The following SKAP2 variants were observed in gnomAD, a reference collection of about 807,000 sequenced individuals.
SKAP2 encodes the protein src kinase associated phosphoprotein 2.
Under a neutral mutation model 54.9 loss-of-function variants are expected in SKAP2, and 28 were observed. That is an observed-to-expected ratio of 0.51 (90% CI 0.38 to 0.70). The LOEUF is 0.70. Among genes scored for constraint, SKAP2 ranks in the 30% least tolerant of loss-of-function variants. SKAP2 has a pLI of 0.00. For missense variants in SKAP2, 356 were observed against 424.1 expected (o/e 0.84, Z 1.41); for synonymous variants, 137 against 134.3 (o/e 1.02, Z -0.14).
At position 26,726,972 on chromosome 7, in the gene SKAP2, G is replaced by C; in HGVS notation, c.504C>G (p.Gly168=). ...KQQKGEFAID[G]YSVRMNNTLR... ...GAGTGTTATTCATTCTGACACTGTA[G>C]CCATCTATTGCAAATTCACCTTTCT... The change falls in exon 7 of 13, where the codon GGC becomes GGG. Residue 168 remains glycine, a synonymous_variant. Coordinates refer to ENST00000345317, the MANE Select transcript of SKAP2 (RefSeq NM_003930.5). 1 of 1,602,824 alleles carries C rather than the reference G, an allele frequency of 6.2e-7. No homozygotes were observed. The highest frequency in any genetic ancestry group is 8.5e-7 in the Non-Finnish European group (1 of 1,174,872).
intron 11 of SKAP2, among the ~76,000 whole-genome samples, chr7:26,679,821 C>A (rs1454617817): frequency 6.6e-6 from 1 of 152,140 alleles, no homozygotes; most frequent in Admixed American, 6.5e-5. Context: ...CAATGAGAAG[C>A]AAATGGTCAA....
In SKAP2 at chr7:26,670,171, A is replaced by G; in HGVS notation, c.1009T>C (p.Trp337Arg). The change falls in exon 12 of 13, where the codon TGG becomes CGG. Residue 337 changes from tryptophan to arginine, a missense_variant. Physicochemically the swap from Trp to Arg is moderately radical, Grantham distance 101. Transcript: ENST00000345317. ...LSKEYNRYGW[W>R]VGEMKGAIGL... ...ATGGCTCCCTTCATTTCTCCTACCCACCAGCCATATCTATTGTATTCCTAA... is the reference window on the plus strand; with the variant it reads ...ATGGCTCCCTTCATTTCTCCTACCCGCCAGCCATATCTATTGTATTCCTAA... The G allele has an allele frequency of 6.4e-7, 1 of 1,551,010 alleles. No homozygotes were observed.
chr7:26,789,782 T>C (rs771246548), intron 4 of SKAP2, among the ~76,000 whole-genome samples: 16 of 152,200 alleles, frequency 1.1e-4, no homozygotes, highest in Non-Finnish European at 7.3e-5. Context: ...ACAGTCAAAG[T>C]TGACTCATTT....
At chr7:26,782,906 T>C (rs543129210) in intron 4 of SKAP2, among the ~76,000 whole-genome samples, 45 of 152,262 alleles carry the variant, frequency 3.0e-4, no homozygotes, top group African/African-American at 1.0e-3. Flanking sequence ...GCGATAAATA[T>C]CTGTTGATTA....
intron 4 of SKAP2, among the ~76,000 whole-genome samples, chr7:26,828,873 A>C (rs961800896): frequency 4.7e-5 from 7 of 149,808 alleles, no homozygotes; most frequent in African/African-American, 1.7e-4. Flanking sequence ...CTAAAAATAC[A>C]AAAATTAGCC....
At position 26,857,589 on chromosome 7, in the gene SKAP2, G is replaced by C. The variant is rs908744617; in HGVS notation, c.68-2699C>G. The C allele has an allele frequency of 4.1e-6, 4 of 985,310 alleles. No homozygotes were observed. The African/African-American group carries it at 7.0e-5, about 17-fold the overall frequency. 61.0% of individuals were successfully genotyped at this position (985,310 alleles called of 1,614,324 possible). On this transcript the variant is annotated intron_variant, in intron 1 of 12. Coordinates refer to ENST00000345317, the MANE Select transcript of SKAP2 (RefSeq NM_003930.5). ...GCAAAGACAGACCAAGCGCCGCAAA[G>C]AAGTTGTAGGGCTGCGAGATGCTCC...
intron 4 of SKAP2, among the ~76,000 whole-genome samples, chr7:26,760,774 C>T (rs17154461): frequency 0.037 from 5,649 of 152,046 alleles, 333 homozygotes; most frequent in African/African-American, 0.13. Context: ...ATCAACCAAG[C>T]GATTACATCT....
At chr7:26,735,924 C>T (rs1787921933) in intron 6 of SKAP2, among the ~76,000 whole-genome samples, 1 of 151,972 alleles carries the variant, frequency 6.6e-6, no homozygotes, top group African/African-American at 2.4e-5. Flanking sequence ...TCGAATGAAA[C>T]CGCCAATAGA....
At chr7:26,770,385 C>T (rs1284593875) in intron 4 of SKAP2, among the ~76,000 whole-genome samples, 5 of 152,162 alleles carry the variant, frequency 3.3e-5, no homozygotes. Context: ...TCTTAGCTTG[C>T]TGGGCTCTGT....
At chr7:26,773,440 G>A (rs1275408267) in intron 4 of SKAP2, among the ~76,000 whole-genome samples, 1 of 152,138 alleles carries the variant, frequency 6.6e-6, no homozygotes, top group Non-Finnish European at 1.5e-5. Flanking sequence ...CATTCATTCT[G>A]CATCTTCCAG....
intron 10 of SKAP2, among the ~76,000 whole-genome samples, chr7:26,688,764 G>A (rs1786706610): frequency 6.6e-6 from 1 of 152,094 alleles, no homozygotes; most frequent in African/African-American, 2.4e-5. Flanking sequence ...TACTTTAAAA[G>A]GGCTTTTGAA....
At chr7:26,837,082 A>G (rs1046600960) in intron 4 of SKAP2, among the ~76,000 whole-genome samples, 1 of 152,192 alleles carries the variant, frequency 6.6e-6, no homozygotes, top group East Asian at 1.9e-4. Context: ...AACTAACACA[A>G]GAACAGAAAA....
chr7:26,660,563 A>T, the SKAP2 span, among the ~76,000 whole-genome samples: 1 of 152,026 alleles, frequency 6.6e-6, no homozygotes, highest in Non-Finnish European at 1.5e-5. Context: ...ATAGCTTGAA[A>T]TTCTCTACTA....
chr7:26,769,581 A>G (rs1783139433), intron 4 of SKAP2, among the ~76,000 whole-genome samples: 1 of 143,616 alleles, frequency 7.0e-6, no homozygotes. Flanking sequence ...GTTTTTCCTC[A>G]TCTTCATGGA....
rs1254828237 is a variant in SKAP2 at position 26,743,753 on chromosome 7, T to C, written c.308-3789A>G. 2.0e-5 allele frequency among the ~76,000 whole-genome samples: 3 copies of C among 152,198 alleles called. No homozygotes were observed. In the East Asian group the frequency reaches 5.8e-4, roughly 29 times the overall value. ...CCTACAAGGACAACTAAGCAAGGAATGGGTCTTCTTCCAGCATGCAATTTG... is the reference window on the plus strand; with the variant it reads ...CCTACAAGGACAACTAAGCAAGGAACGGGTCTTCTTCCAGCATGCAATTTG... On this transcript the variant is annotated intron_variant, in intron 4 of 12. Coordinates refer to ENST00000345317, the MANE Select transcript of SKAP2 (RefSeq NM_003930.5).
At chr7:26,708,809 T>C (rs1787229931) in intron 9 of SKAP2, among the ~76,000 whole-genome samples, 1 of 152,218 alleles carries the variant, frequency 6.6e-6, no homozygotes, top group South Asian at 2.1e-4. Flanking sequence ...TTCTGAGTCA[T>C]ATTGGTCAAC....
intron 1 of SKAP2, among the ~76,000 whole-genome samples, chr7:26,859,916 A>T (rs955222077): frequency 6.6e-6 from 1 of 152,214 alleles, no homozygotes; most frequent in Admixed American, 6.5e-5. Flanking sequence ...TGAGTATATA[A>T]AATCTAGCCT....
At chr7:26,730,157 T>G (rs1291400981) in intron 6 of SKAP2, among the ~76,000 whole-genome samples, 5 of 152,150 alleles carry the variant, frequency 3.3e-5, no homozygotes, top group African/African-American at 1.2e-4. Flanking sequence ...ACAACACTGT[T>G]CTCCTCCTTT....
intron 9 of SKAP2, among the ~76,000 whole-genome samples, chr7:26,702,797 G>A (rs973007645): frequency 5.9e-5 from 9 of 152,290 alleles, no homozygotes; most frequent in Admixed American, 5.9e-4. Flanking sequence ...TCAAATAATA[G>A]CCTCACTTGT....
Sources: gnomAD v4.1 joint callset for allele counts (sites outside exome capture counted in the v4.1 genomes callset) on GRCh38, gnomAD v4.1.1 for gene constraint, MANE v1.5 for transcripts, NCBI Gene and HGNC (gene_info 2026-07-23, HGNC 2026-07-21) for gene names.